The following CHD9 variants were observed in gnomAD, a reference collection of about 807,000 sequenced individuals.
The protein encoded by CHD9 is chromodomain helicase DNA binding protein 9.
A neutral mutation model predicts 316.1 loss-of-function variants in CHD9; 77 were observed. That is an observed-to-expected ratio of 0.24 (90% CI 0.20 to 0.29). The LOEUF is 0.29. CHD9 is among the 10% of genes least tolerant of loss of function. CHD9 has a pLI of 1.00. For synonymous variants in CHD9, 1,129 were observed against 1,158.3 expected (o/e 0.97, Z 0.51); for missense variants, 2,763 against 3,438.1 (o/e 0.80, Z 4.91).
At chr16:53,275,880 G>A (rs1049125007) in intron 24 of CHD9, among the ~76,000 whole-genome samples, 2 of 151,886 alleles carry the variant, frequency 1.3e-5, no homozygotes, top group Non-Finnish European at 2.9e-5. Context: ...CATTTCCTTG[G>A]CCTTTATATA....
At chr16:53,315,375 G>A (rs954707322) in intron 36 of CHD9, among the ~76,000 whole-genome samples, 21 of 152,164 alleles carry the variant, frequency 1.4e-4, no homozygotes, top group Non-Finnish European at 1.2e-4. Context: ...TAGTAAACAT[G>A]TATTGAAACT....
intron 36 of CHD9, among the ~76,000 whole-genome samples, chr16:53,315,528 G>T (rs2056813150): frequency 6.6e-6 from 1 of 152,178 alleles, no homozygotes; most frequent in East Asian, 1.9e-4. Flanking sequence ...ACCCAGGCTG[G>T]AGTGCAGTGA....
chr16:53,187,882 T>A (rs1354043909), intron 2 of CHD9, among the ~76,000 whole-genome samples: 1 of 152,100 alleles, frequency 6.6e-6, no homozygotes, highest in African/African-American at 2.4e-5. Flanking sequence ...TGTCTGGTTG[T>A]GAAAGGAAAA....
At chr16:53,305,345 G>A (rs982222853) in intron 31 of CHD9, among the ~76,000 whole-genome samples, 2 of 152,232 alleles carry the variant, frequency 1.3e-5, no homozygotes, top group African/African-American at 4.8e-5. Context: ...ACAGGCATAA[G>A]CCACCACACC....
chr16:53,061,075 C>T (rs2032843085), intron 1 of CHD9, among the ~76,000 whole-genome samples: 1 of 151,896 alleles, frequency 6.6e-6, no homozygotes, highest in Non-Finnish European at 1.5e-5. Context: ...TATAGGTGCC[C>T]ACTGCCATGC....
intron 1 of CHD9, among the ~76,000 whole-genome samples, chr16:53,148,146 G>T (rs1156797523): frequency 6.6e-6 from 1 of 152,198 alleles, no homozygotes; most frequent in Non-Finnish European, 1.5e-5. Flanking sequence ...GGCAGAGGTT[G>T]CAATGAGCCA....
At position 53,241,100 on chromosome 16, in the gene CHD9, A is replaced by G. The variant is rs1397954143; in HGVS notation, c.2878-1740A>G. Reference sequence around the variant, plus strand: ...GCAGCTATTATTCAACTTAATGGCCAGTATACACAATTAATATTAACTGAC... The same window carrying G: ...GCAGCTATTATTCAACTTAATGGCCGGTATACACAATTAATATTAACTGAC... On this transcript the variant is annotated intron_variant, in intron 12 of 38. Transcript: ENST00000447540. Among the ~76,000 whole-genome samples the G allele has an allele frequency of 2.0e-5, 3 of 152,332 alleles. No individual in the cohort carries two copies. The East Asian group carries it at 5.8e-4, about 29-fold the overall frequency.
At chr16:53,172,691 C>T (rs2042852486) in intron 2 of CHD9, among the ~76,000 whole-genome samples, 1 of 152,110 alleles carries the variant, frequency 6.6e-6, no homozygotes, top group Non-Finnish European at 1.5e-5. Context: ...CTGATATGGT[C>T]ACTGTTTTTA....
chr16:53,324,565 C>T lies in CHD9; in HGVS notation c.8364C>T (p.Ala2788=), dbSNP rs903529720. 2.5e-6 allele frequency: 4 copies of T among 1,613,570 alleles called. No homozygotes were observed. In the African/African-American group the frequency reaches 5.3e-5, roughly 22 times the overall value. The stretch of plus-strand genomic sequence containing the variant: ...CTGCATTAAATACAGCTGCAGCTGC[C>T]AACCCATTAGCTCTTAACCCACTAT... ...STAALNTAAA[A]NPLALNPLLL... Residue 2788 remains alanine, a synonymous_variant, in exon 39 of 39, where the codon GCC becomes GCT. Transcript: ENST00000447540.
At chr16:53,313,703 G>A (rs943368400) in intron 34 of CHD9, among the ~76,000 whole-genome samples, 5 of 135,108 alleles carry the variant, frequency 3.7e-5, no homozygotes, top group African/African-American at 1.1e-4. Context: ...CTAGCACTTT[G>A]GGAGGCCGAG....
At chr16:53,225,173 G>C (rs1021134735) in intron 4 of CHD9, among the ~76,000 whole-genome samples, 2 of 152,170 alleles carry the variant, frequency 1.3e-5, no homozygotes, top group African/African-American at 4.8e-5. Flanking sequence ...TGTCATGGCT[G>C]TGAAGGTAAA....
chr16:53,315,821 G>C (rs1175265406), intron 36 of CHD9, among the ~76,000 whole-genome samples: 2 of 152,110 alleles, frequency 1.3e-5, no homozygotes, highest in Non-Finnish European at 2.9e-5. Flanking sequence ...AAAGTTTTAA[G>C]TAAATAGTTC....
intron 18 of CHD9, 83 bp from the exon 19 acceptor site, chr16:53,255,517 G>A: frequency 7.9e-7 from 1 of 1,264,440 alleles, no homozygotes; most frequent in Non-Finnish European, 1.1e-6. Context: ...TGCCTCTTGT[G>A]TTCTTTGACA....
intron 20 of CHD9, among the ~76,000 whole-genome samples, chr16:53,265,801 T>C (rs1020702216): frequency 1.3e-5 from 2 of 152,056 alleles, no homozygotes; most frequent in African/African-American, 4.8e-5. Context: ...AATTATGTAA[T>C]GGAAAAATGA....
At chr16:53,211,985 A>T (rs1865685604) in intron 3 of CHD9, among the ~76,000 whole-genome samples, 1 of 152,210 alleles carries the variant, frequency 6.6e-6, no homozygotes, top group African/African-American at 2.4e-5. Context: ...TAAACATCTC[A>T]TTTAAAATTT....
intron 3 of CHD9, among the ~76,000 whole-genome samples, chr16:53,221,134 G>A (rs544122614): frequency 2.0e-5 from 3 of 152,314 alleles, no homozygotes; most frequent in African/African-American, 7.2e-5. Context: ...ATAATTAGAA[G>A]TTGTTAGCAT....
At position 53,273,796 on chromosome 16, in the gene CHD9, G is replaced by A. The variant is rs761680191; in HGVS notation, c.4877+11G>A. On this transcript the variant is annotated intron_variant, in intron 23 of 38. Transcript: ENST00000447540. ...ACACCACTGTAATAAGTAGGTATAGGGTATTTTAAACACAACTCTTTAAAT... is the reference window on the plus strand; with the variant it reads ...ACACCACTGTAATAAGTAGGTATAGAGTATTTTAAACACAACTCTTTAAAT... The A allele has an allele frequency of 2.5e-6, 4 of 1,590,002 alleles. No individual in the cohort carries two copies. The highest frequency in any genetic ancestry group is 3.4e-6 in the Non-Finnish European group (4 of 1,168,630).
At chr16:53,128,243 C>G (rs896208802) in intron 1 of CHD9, among the ~76,000 whole-genome samples, 1 of 151,954 alleles carries the variant, frequency 6.6e-6, no homozygotes. Flanking sequence ...AGTGCAATGG[C>G]GCCATCTCAA....
intron 19 of CHD9, among the ~76,000 whole-genome samples, chr16:53,257,860 GT>G (rs576227281): frequency 1.3e-5 from 2 of 152,078 alleles, no homozygotes; most frequent in Non-Finnish European, 2.9e-5. Flanking sequence ...CCCGGCTCTA[GT>G]TTTTTTCCTG....
Sources: allele counts gnomAD v4.1 joint callset (sites outside exome capture counted in the v4.1 genomes callset), GRCh38; gene constraint gnomAD v4.1.1; transcripts MANE v1.5; gene names NCBI Gene and HGNC (gene_info 2026-07-23, HGNC 2026-07-21).